The following LIN28A variants were observed in gnomAD, a reference collection of about 807,000 sequenced individuals.
LIN28A encodes the protein protein lin-28 homolog A.
A neutral mutation model predicts 21.1 loss-of-function variants in LIN28A; 11 were observed. That is an observed-to-expected ratio of 0.52 (90% CI 0.33 to 0.86). The LOEUF (loss-of-function observed/expected upper bound fraction) is 0.86, where lower values mean the gene tolerates loss of function less well. Among genes scored for constraint, LIN28A ranks in the 40% least tolerant of loss-of-function variants. LIN28A has a pLI of 0.03. For missense variants in LIN28A, 219 were observed against 279.8 expected, an observed-to-expected ratio of 0.78 and a Z score of 1.55; for synonymous variants, 111 against 108.7, an observed-to-expected ratio of 1.02 and a Z score of -0.13.
intron 2 of LIN28A, among the ~76,000 whole-genome samples, chr1:26,412,111 G>A (rs2124281437): frequency 6.6e-6 from 1 of 152,350 alleles, no homozygotes; most frequent in African/African-American, 2.4e-5. Context: ...TAAAAACTGG[G>A]TTTGGCAGAT....
chr1:26,410,876 G>A lies in LIN28A; in HGVS notation c.-16G>A. The stretch of plus-strand genomic sequence containing the variant: ...GCCCGACCAGGGGCCCGGGGCCACG[G>A]GCTCAGCCGACGACCATGGGCTCCG... On this transcript the variant is annotated 5_prime_UTR_variant, in exon 1 of 4. Coordinates refer to ENST00000326279, the MANE Select transcript of LIN28A (RefSeq NM_024674.6). 1 of 1,611,986 alleles carries A rather than the reference G, an allele frequency of 6.2e-7. No homozygotes were observed. Among genetic ancestry groups the A allele is most frequent in the South Asian group, 1.1e-5 (1 of 90,998 alleles).
chr1:26,415,784 C>T (rs193156757), intron 2 of LIN28A, among the ~76,000 whole-genome samples: 12 of 152,160 alleles, frequency 7.9e-5, no homozygotes, highest in African/African-American at 2.7e-4. Context: ...AGAGAGGTTC[C>T]TCTCGTTTTT....
Position 26,428,173 on chromosome 1 carries a change from T to G in LIN28A, c.*1715T>G, listed in dbSNP as rs1327750807. On this transcript the variant is annotated 3_prime_UTR_variant, in exon 4 of 4. Coordinates refer to ENST00000326279, the MANE Select transcript of LIN28A (RefSeq NM_024674.6). ...TCTTTGGGGGTTTTGTTTACAAACT[T>G]CTTTTTGTATTGAGAGAAAAATAGC... 6.5e-6 allele frequency: 1 copy of G among 152,676 alleles called. No homozygotes were observed. The allele number at this position is 152,676 out of a possible 1,614,324, so 9.5% of individuals were successfully genotyped here.
chr1:26,427,017 G>A lies in LIN28A; in HGVS notation c.*559G>A, dbSNP rs906121569. 17 of 160,272 alleles carry A rather than the reference G, an allele frequency of 1.1e-4. No homozygotes were observed. The highest frequency in any genetic ancestry group is 2.1e-4 in the Non-Finnish European group (15 of 72,554). The allele number at this position is 160,272 out of a possible 1,614,324, so 9.9% of individuals were successfully genotyped here. A position where few individuals can be genotyped will look rare whatever the true frequency, so the allele number is the denominator to read the frequency against. ...TGTTTGGGGGAACAGCTGCAGACCT[G>A]CTGCTCTATGCTCACCCCCGCCCCA... On this transcript the variant is annotated 3_prime_UTR_variant, in exon 4 of 4. Transcript: ENST00000326279.
At chr1:26,418,874 G>A (rs2075012793) in intron 2 of LIN28A, among the ~76,000 whole-genome samples, 1 of 151,912 alleles carries the variant, frequency 6.6e-6, no homozygotes, top group Non-Finnish European at 1.5e-5. Context: ...TCTCTCCCGT[G>A]ACCATAACCC....
rs1226090899 is a variant in LIN28A, at chr1:26,426,612, G to C, written c.*154G>C. On this transcript the variant is annotated 3_prime_UTR_variant, in exon 4 of 4. Transcript: ENST00000326279. Reference sequence around the variant, plus strand: ...CATCACCCTTTCTTCCCTCTAGGTGGGGGGAAAGGGTGAGTCAAAGGAACT... The same window carrying C: ...CATCACCCTTTCTTCCCTCTAGGTGCGGGGAAAGGGTGAGTCAAAGGAACT... The C allele has an allele frequency of 2.2e-5, 14 of 644,794 alleles. No individual in the cohort carries two copies. The highest frequency in any genetic ancestry group is 3.9e-5 in the Non-Finnish European group (14 of 361,580). 39.9% of individuals were successfully genotyped at this position (644,794 alleles called of 1,614,324 possible).
At chr1:26,420,801 C>T (rs36116163) in intron 2 of LIN28A, among the ~76,000 whole-genome samples, 8,457 of 152,082 alleles carry the variant, frequency 0.056, 248 homozygotes, top group East Asian at 0.092. Flanking sequence ...TTTTCTATGA[C>T]GACTACTCCT....
chr1:26,412,823 A>G (rs1427730233), intron 2 of LIN28A, among the ~76,000 whole-genome samples: 1 of 152,054 alleles, frequency 6.6e-6, no homozygotes, highest in Non-Finnish European at 1.5e-5. Context: ...TCAGTGAGGA[A>G]CAAACAAGGG....
Position 26,426,395 on chromosome 1 carries a change from C to T in LIN28A, c.567C>T (p.Thr189=). Residue 189 remains threonine (T), a synonymous_variant, in exon 4 of 4, where the codon ACC becomes ACT. Coordinates refer to ENST00000326279, the MANE Select transcript of LIN28A (RefSeq NM_024674.6). ...QQGPSAQGKP[T]YFREEEEEIH... is the part of the protein sequence containing the mutation. ...GCCCTAGTGCACAGGGAAAGCCAAC[C>T]TACTTTCGAGAGGAAGAAGAAGAAA... 1 of 1,614,210 alleles carries T rather than the reference C, an allele frequency of 6.2e-7. No homozygotes were observed. The highest frequency in any genetic ancestry group is 8.5e-7 in the Non-Finnish European group (1 of 1,180,032).
At chr1:26,417,596 T>A (rs11581746) in intron 2 of LIN28A, among the ~76,000 whole-genome samples, 1 of 152,108 alleles carries the variant, frequency 6.6e-6, no homozygotes, top group Non-Finnish European at 1.5e-5. Context: ...TTGCCTCTTA[T>A]TGCGACTTTA....
intron 2 of LIN28A, among the ~76,000 whole-genome samples, chr1:26,415,642 T>TAG (rs759378723): frequency 3.3e-5 from 5 of 151,808 alleles, no homozygotes; most frequent in Non-Finnish European, 7.4e-5. Flanking sequence ...AGAAAAAGAC[T>TAG]AGAGATACTG....
intron 3 of LIN28A, among the ~76,000 whole-genome samples, chr1:26,425,853 G>A (rs117682717): frequency 6.6e-6 from 1 of 152,288 alleles, no homozygotes; most frequent in East Asian, 1.9e-4. Context: ...GCAAATGGCT[G>A]GTTTCCTTAA....
intron 2 of LIN28A, among the ~76,000 whole-genome samples, chr1:26,420,788 C>G (rs1375461510): frequency 6.6e-6 from 1 of 152,044 alleles, no homozygotes; most frequent in Non-Finnish European, 1.5e-5. Context: ...TTTTGCTTCT[C>G]CATTTTCTAT....
At chr1:26,415,780 G>A (rs547046017) in intron 2 of LIN28A, among the ~76,000 whole-genome samples, 1 of 152,106 alleles carries the variant, frequency 6.6e-6, no homozygotes, top group African/African-American at 2.4e-5. Context: ...GCCCAGAGAG[G>A]TTCCTCTCGT....
At chr1:26,426,177 T>C in intron 3 of LIN28A, 65 bp from the exon 4 acceptor site, 1 of 1,334,178 alleles carries the variant, frequency 7.5e-7, no homozygotes, top group Admixed American at 1.7e-5. Flanking sequence ...GTGTCCTCAT[T>C]CGTGGGAGGC....
chr1:26,429,344 T>C lies in LIN28A; in HGVS notation c.*2886T>C, dbSNP rs1304802575. On this transcript the variant is annotated 3_prime_UTR_variant, in exon 4 of 4. Coordinates refer to ENST00000326279, the MANE Select transcript of LIN28A (RefSeq NM_024674.6). The stretch of plus-strand genomic sequence containing the variant: ...TATCCAAGTCACTCAGGAACTTTTA[T>C]GCAGGTGCTAGAAACTTTATGTCAA... The C allele has an allele frequency of 1.3e-5, 2 of 152,688 alleles. No individual in the cohort carries two copies. The highest frequency in any genetic ancestry group is 4.8e-5 in the African/African-American group (2 of 41,468). The allele number at this position is 152,688 out of a possible 1,614,324, so 9.5% of individuals were successfully genotyped here. A position where few individuals can be genotyped will look rare whatever the true frequency, so the allele number is the denominator to read the frequency against.
chr1:26,413,825 C>CTT (rs755305206), intron 2 of LIN28A, among the ~76,000 whole-genome samples: 3,424 of 100,326 alleles, frequency 0.034, 360 homozygotes, highest in African/African-American at 0.12. Context: ...TTGTTTGTTG[C>CTT]TTTTTTTTTT....
chr1:26,425,585 C>A, intron 3 of LIN28A, 98 bp downstream of exon 3: 1 of 1,141,004 alleles, frequency 8.8e-7, no homozygotes, highest in Non-Finnish European at 1.3e-6. Flanking sequence ...CAAAGGGAAG[C>A]CTGTGGTCCC....
At chr1:26,414,795 C>T (rs1214706625) in intron 2 of LIN28A, among the ~76,000 whole-genome samples, 2 of 152,132 alleles carry the variant, frequency 1.3e-5, no homozygotes, top group African/African-American at 2.4e-5. Flanking sequence ...CCACTAGAAG[C>T]CAGTTGCATC....
Sources: gnomAD v4.1 joint callset for allele counts (sites outside exome capture counted in the v4.1 genomes callset) on GRCh38, gnomAD v4.1.1 for gene constraint, MANE v1.5 for transcripts, NCBI Gene and HGNC (gene_info 2026-07-23, HGNC 2026-07-21) for gene names.